The following CDYL2 variants were observed in gnomAD, a reference collection of about 807,000 sequenced individuals.
CDYL2 encodes the protein chromodomain Y like 2.
In CDYL2, 23 loss-of-function variants were observed where a neutral mutation model predicts 49.4. The observed-to-expected ratio is 0.47, with a 90% CI of 0.34 to 0.66. The LOEUF (loss-of-function observed/expected upper bound fraction) is 0.66, where lower values mean the gene tolerates loss of function less well. CDYL2 is among the 30% of genes least tolerant of loss of function. The probability of loss-of-function intolerance (pLI) is 0.01; values close to 1 mark genes in which losing one functional copy is unlikely to be tolerated. For missense variants in CDYL2, 678 were observed against 656.4 expected, an observed-to-expected ratio of 1.03 and a Z score of -0.36; for synonymous variants, 360 against 268.8, an observed-to-expected ratio of 1.34 and a Z score of -3.32.
At chr16:80,730,550 T>C (rs1350177038) in intron 1 of CDYL2, among the ~76,000 whole-genome samples, 3 of 151,972 alleles carry the variant, frequency 2.0e-5, no homozygotes. Context: ...CCATTCCTTC[T>C]GAAACTATTC....
rs757634954 is a variant in CDYL2 at position 80,684,601 on chromosome 16, C to A, written c.553G>T (p.Val185Phe). 13 of 1,614,222 alleles carry A rather than the reference C, an allele frequency of 8.1e-6. No homozygotes were observed. In the South Asian group the frequency reaches 1.2e-4, roughly 15 times the overall value. Residue 185 changes from valine (V) to phenylalanine (F), a missense_variant, in exon 2 of 7, where the codon GTT becomes TTT. By Grantham distance (50) the Val-to-Phe change is conservative. Transcript: ENST00000570137. ...HQPGLDLNDH[V>F]GEQDMGECDV... Reference sequence around the variant, plus strand: ...CATTCACCCATATCTTGCTCTCCAACATGATCATTCAAATCCAAGCCAGGC... The same window carrying A: ...CATTCACCCATATCTTGCTCTCCAAAATGATCATTCAAATCCAAGCCAGGC...
chr16:80,727,647 G>A (rs1042230082), intron 1 of CDYL2, among the ~76,000 whole-genome samples: 3 of 152,214 alleles, frequency 2.0e-5, no homozygotes, highest in African/African-American at 4.8e-5. Flanking sequence ...TGGGGGCAGG[G>A]CACAGACAAA....
intron 3 of CDYL2, 190 bp downstream of exon 3, chr16:80,632,829 A>C: frequency 3.5e-6 from 2 of 577,456 alleles, no homozygotes; most frequent in Non-Finnish European, 6.2e-6. Flanking sequence ...GTATCATTAC[A>C]CGGTCATAAA....
chr16:80,666,382 T>G (rs1321732493), intron 2 of CDYL2, among the ~76,000 whole-genome samples: 1 of 152,178 alleles, frequency 6.6e-6, no homozygotes, highest in Non-Finnish European at 1.5e-5. Context: ...AATTACATGA[T>G]TTGGGCATTC....
chr16:80,598,311 T>C lies in CDYL2; in HGVS notation c.*6077A>G, dbSNP rs1312137395. 2.0e-5 allele frequency: 3 copies of C among 151,976 alleles called. No individual in the cohort carries two copies. Among genetic ancestry groups the C allele is most frequent in the Admixed American group, 6.6e-5 (1 of 15,252 alleles). The allele number at this position is 151,976 out of a possible 1,614,324, so 9.4% of individuals were successfully genotyped here. On this transcript the variant is annotated 3_prime_UTR_variant, in exon 7 of 7. Coordinates refer to ENST00000570137, the MANE Select transcript of CDYL2 (RefSeq NM_152342.4). ...TACATCCATGATCAAATCCAAACAC[T>C]CCTAGGGTGGGCTGGATAAGTTTTT...
rs1906188806 is a variant in CDYL2, at chr16:80,603,508, C to T, written c.*880G>A. The stretch of plus-strand genomic sequence containing the variant: ...GGTGCAGCGCTATTCCTTTTGTCCA[C>T]AGAAATCCTTCTGTTTTCATCTCTC... On this transcript the variant is annotated 3_prime_UTR_variant, in exon 7 of 7. Coordinates refer to ENST00000570137, the MANE Select transcript of CDYL2 (RefSeq NM_152342.4). The T allele has an allele frequency of 6.6e-6, 1 of 152,258 alleles. No homozygotes were observed. The highest frequency in any genetic ancestry group is 2.1e-4 in the South Asian group (1 of 4,832). The allele number at this position is 152,258 out of a possible 1,614,324, so 9.4% of individuals were successfully genotyped here.
intron 1 of CDYL2, among the ~76,000 whole-genome samples, chr16:80,789,660 G>A (rs886675631): frequency 1.3e-5 from 2 of 151,850 alleles, no homozygotes; most frequent in African/African-American, 4.8e-5. Flanking sequence ...GCAAAGTCAT[G>A]AAACCAATTT....
chr16:80,769,604 T>C (rs74030423), intron 1 of CDYL2, among the ~76,000 whole-genome samples: 2,070 of 152,278 alleles, frequency 0.014, 50 homozygotes, highest in African/African-American at 0.047. Context: ...CTTCTGGTCA[T>C]GTCAACAGGA....
intron 1 of CDYL2, among the ~76,000 whole-genome samples, chr16:80,705,578 G>C (rs932703064): frequency 2.0e-5 from 3 of 152,250 alleles, no homozygotes; most frequent in Admixed American, 6.5e-5. Context: ...ATCTGTTGCA[G>C]GCCTTTGTGC....
intron 1 of CDYL2, among the ~76,000 whole-genome samples, chr16:80,779,345 T>G (rs1907190555): frequency 7.1e-6 from 1 of 141,232 alleles, no homozygotes. Flanking sequence ...CCTCTCAAGT[T>G]GCATTTTTTA....
chr16:80,640,366 A>G (rs1187454724), intron 2 of CDYL2, among the ~76,000 whole-genome samples: 1 of 152,212 alleles, frequency 6.6e-6, no homozygotes, highest in Admixed American at 6.5e-5. Flanking sequence ...GAAGGATCCC[A>G]TCTTGGAAGG....
At chr16:80,775,614 G>T (rs1353574797) in intron 1 of CDYL2, among the ~76,000 whole-genome samples, 1 of 151,520 alleles carries the variant, frequency 6.6e-6, no homozygotes, top group African/African-American at 2.4e-5. Flanking sequence ...TAATCCCAAG[G>T]AAAGGAAAAA....
intron 1 of CDYL2, among the ~76,000 whole-genome samples, chr16:80,793,552 A>G (rs965891242): frequency 3.3e-5 from 5 of 152,210 alleles, no homozygotes; most frequent in African/African-American, 1.2e-4. Context: ...AACATTTTCA[A>G]CCATTCATTC....
chr16:80,799,376 C>T (rs542252936), intron 1 of CDYL2, among the ~76,000 whole-genome samples: 1 of 152,250 alleles, frequency 6.6e-6, no homozygotes, highest in African/African-American at 2.4e-5. Context: ...CCGTAAAATA[C>T]TTGTTTTCTT....
At chr16:80,737,649 A>G (rs1249276878) in intron 1 of CDYL2, among the ~76,000 whole-genome samples, 1 of 152,072 alleles carries the variant, frequency 6.6e-6, no homozygotes, top group Non-Finnish European at 1.5e-5. Flanking sequence ...TGGTTCTCAA[A>G]CTTTGGTGTG....
At position 80,754,889 on chromosome 16, in the gene CDYL2, G is replaced by C. The variant is rs557400699; in HGVS notation, c.24+49261C>G. Among the ~76,000 whole-genome samples the C allele has an allele frequency of 1.1e-4, 17 of 152,244 alleles. 1 individual carries two copies. The South Asian group carries it at 3.5e-3, about 32-fold the overall frequency. On this transcript the variant is annotated intron_variant, in intron 1 of 6. Transcript: ENST00000570137. ...AGGGAAGGGAGCAGGGTATCAGATG[G>C]GAAGGTAGACATTTGCTGTTTCAAT...
intron 1 of CDYL2, among the ~76,000 whole-genome samples, chr16:80,760,926 G>A (rs370455214): frequency 6.6e-6 from 1 of 152,082 alleles, no homozygotes; most frequent in African/African-American, 2.4e-5. Context: ...GGGCCGGTGC[G>A]TCTGTGGATT....
intron 4 of CDYL2, among the ~76,000 whole-genome samples, chr16:80,620,059 C>T (rs553813212): frequency 6.6e-6 from 1 of 152,334 alleles, no homozygotes; most frequent in South Asian, 2.1e-4. Flanking sequence ...AAGCAAGATA[C>T]AGCAGCACCC....
chr16:80,609,735 C>T (rs907039273), intron 5 of CDYL2, among the ~76,000 whole-genome samples: 2 of 152,144 alleles, frequency 1.3e-5, no homozygotes, highest in African/African-American at 4.8e-5. Context: ...CCTCAGACAC[C>T]ATACCCTGCA....
Sources: allele counts gnomAD v4.1 joint callset (sites outside exome capture counted in the v4.1 genomes callset), GRCh38; gene constraint gnomAD v4.1.1; transcripts MANE v1.5; gene names NCBI Gene and HGNC (gene_info 2026-07-23, HGNC 2026-07-21).